Variants in ZNF396 observed in about 807,000 individuals in gnomAD.
ZNF396 encodes zinc finger protein 396, also known as zinc finger and SCAN domain-containing protein 14.
Under a neutral mutation model 20.5 loss-of-function variants are expected in ZNF396, and 14 were observed. The ratio of observed to expected loss-of-function variants is 0.68; its 90% CI spans 0.45 to 1.07. The LOEUF is 1.07. Among genes scored for constraint, ZNF396 ranks in the 50% least tolerant of loss-of-function variants. The probability of loss-of-function intolerance (pLI) is 0.00; values close to 1 mark genes in which losing one functional copy is unlikely to be tolerated. For synonymous variants in ZNF396, 119 were observed against 140.6 expected, an observed-to-expected ratio of 0.85 and a Z score of 1.08; for missense variants, 347 against 390.1, an observed-to-expected ratio of 0.89 and a Z score of 0.93.
chr18:35,370,503 CATTTTTT>C (rs2045159758), intron 3 of ZNF396, among the ~76,000 whole-genome samples: 1 of 68,262 alleles, frequency 1.5e-5, no homozygotes, highest in Non-Finnish European at 3.5e-5. Flanking sequence ...CTCATGGTGG[CATTTTTT>C]TTTTTTTTTT....
intron 1 of ZNF396, among the ~76,000 whole-genome samples, chr18:35,376,532 TGTG>T (rs1024048393): frequency 6.6e-6 from 1 of 152,076 alleles, no homozygotes. Context: ...CAGGGGCCCT[TGTG>T]GTGACCCCTG....
Position 35,368,881 on chromosome 18 carries a change from A to G in ZNF396, c.*334T>C. The G allele has an allele frequency of 9.6e-7, 1 of 1,040,336 alleles. No individual in the cohort carries two copies. Among genetic ancestry groups the G allele is most frequent in the Non-Finnish European group, 1.2e-6 (1 of 866,934 alleles). The allele number at this position is 1,040,336 out of a possible 1,614,324, so 64.4% of individuals were successfully genotyped here. ...TCCTTCTCAATGAGGGAAAAAACAT[A>G]CTTGTCTAAAAAGATATATACTAAT... is the stretch of plus-strand genomic sequence containing the variant. On this transcript the variant is annotated 3_prime_UTR_variant, in exon 4 of 4. Transcript: ENST00000589332.
In ZNF396 at chr18:35,366,881, A is replaced by G. The variant is rs1294803007; in HGVS notation, c.*2334T>C. ...GAGACACCCTTTAAAGATTCATCAT[A>G]TACTTAGACGATATGATTCATACCA... On this transcript the variant is annotated 3_prime_UTR_variant, in exon 4 of 4. Coordinates refer to ENST00000589332, the MANE Select transcript of ZNF396 (RefSeq NM_001322286.2). 1.3e-5 allele frequency: 2 copies of G among 152,244 alleles called. No individual in the cohort carries two copies. Among genetic ancestry groups the G allele is most frequent in the East Asian group, 3.8e-4 (2 of 5,196 alleles). 9.4% of individuals were successfully genotyped at this position (152,244 alleles called of 1,614,324 possible). A position where few individuals can be genotyped will look rare whatever the true frequency, so the allele number is the denominator to read the frequency against.
In ZNF396 at chr18:35,374,105, G is replaced by A; in HGVS notation, c.188C>T (p.Ser63Leu). ...GCTCAGAGCCTCATGGGGCCCAGGT[G>A]AATCCTGGTAGCCAAACTGCCTGAA... ...QQFRQFGYQD[S>L]PGPHEALSRL... The change falls in exon 2 of 4, where the codon TCA becomes TTA. Residue 63 changes from serine (S) to leucine (L), a missense_variant. Transcript: ENST00000589332. This position sits in a 1 kb window ranked among gnomAD's most constrained non-coding sequence, Gnocchi z 4.3. 1 of 1,614,224 alleles carries A rather than the reference G, an allele frequency of 6.2e-7. No homozygotes were observed. Among genetic ancestry groups the A allele is most frequent in the Non-Finnish European group, 8.5e-7 (1 of 1,180,038 alleles).
chr18:35,369,712 A>G, intron 3 of ZNF396, 52 bp from the exon 4 acceptor site: 1 of 1,497,420 alleles, frequency 6.7e-7, no homozygotes, highest in Non-Finnish European at 9.0e-7. Flanking sequence ...GATCCAAATG[A>G]AATATACATG....
intron 1 of ZNF396, among the ~76,000 whole-genome samples, chr18:35,375,167 T>G (rs989331236): frequency 2.0e-5 from 3 of 151,730 alleles, no homozygotes; most frequent in Non-Finnish European, 4.4e-5. Context: ...AGCTGGGCAC[T>G]GTGCTTATGC....
rs1252236098 is a variant in ZNF396 at position 35,367,546 on chromosome 18, G to A, written c.*1669C>T. 6.6e-6 allele frequency: 1 copy of A among 152,154 alleles called. No homozygotes were observed. Among genetic ancestry groups the A allele is most frequent in the African/African-American group, 2.4e-5 (1 of 41,444 alleles). 9.4% of individuals were successfully genotyped at this position (152,154 alleles called of 1,614,324 possible). ...TAGCACCATGGAAAACACAATACAT[G>A]TATTATTGTAGTAACATTACAGAGT... On this transcript the variant is annotated 3_prime_UTR_variant, in exon 4 of 4. Transcript: ENST00000589332.
In ZNF396 at chr18:35,369,023, CT is replaced by C; in HGVS notation, c.*191del. On this transcript the variant is annotated 3_prime_UTR_variant, in exon 4 of 4. Coordinates refer to ENST00000589332, the MANE Select transcript of ZNF396 (RefSeq NM_001322286.2). ...GGAATTGCAAACGTCAGAATTGAGA[CT>C]GCATTGATAAGCAGAAAAGCAAATA... 2 of 1,362,262 alleles carry C rather than the reference CT, an allele frequency of 1.5e-6. No individual in the cohort carries two copies. Among genetic ancestry groups the C allele is most frequent in the South Asian group, 4.1e-5 (2 of 48,696 alleles). The allele number at this position is 1,362,262 out of a possible 1,614,324, so 84.4% of individuals were successfully genotyped here.
At chr18:35,370,868 A>G (rs998219073) in intron 3 of ZNF396, among the ~76,000 whole-genome samples, 2 of 152,214 alleles carry the variant, frequency 1.3e-5, no homozygotes, top group African/African-American at 4.8e-5. Flanking sequence ...ATGAGTTTAT[A>G]AAAGCAAAGT....
chr18:35,373,037 G>A (rs2045203777), intron 3 of ZNF396: 1 of 187,308 alleles, frequency 5.3e-6, no homozygotes, highest in African/African-American at 2.3e-5. Context: ...AAGCACGTAT[G>A]AGAGCAAAGT....
chr18:35,367,614 A>G lies in ZNF396; in HGVS notation c.*1601T>C, dbSNP rs1329954234. 1.3e-5 allele frequency: 2 copies of G among 149,826 alleles called. No individual in the cohort carries two copies. Among genetic ancestry groups the G allele is most frequent in the East Asian group, 1.9e-4 (1 of 5,156 alleles). The allele number at this position is 149,826 out of a possible 1,614,324, so 9.3% of individuals were successfully genotyped here. A position where few individuals can be genotyped will look rare whatever the true frequency, so the allele number is the denominator to read the frequency against. ...GAAAATAGATAATTTTGTTGTTTGT[A>G]TACTGTCAGAATAATTTTAATAATG... On this transcript the variant is annotated 3_prime_UTR_variant, in exon 4 of 4. Transcript: ENST00000589332.
Position 35,373,690 on chromosome 18 carries a change from A to G in ZNF396, c.418-90T>C, listed in dbSNP as rs141813724. 1.2e-4 allele frequency: 191 copies of G among 1,539,796 alleles called. 1 individual carries two copies. In the East Asian group the frequency reaches 1.8e-3, roughly 14 times the overall value. ...GAGAAGAAACTATGCAAAAAGTATC[A>G]TGGACACAGGAAAAGGGAGGGAAAA... is the stretch of plus-strand genomic sequence containing the variant. On this transcript the variant is annotated intron_variant, in intron 2 of 3. Transcript: ENST00000589332.
At chr18:35,371,841 A>G (rs1183141505) in intron 3 of ZNF396, 3 of 152,206 alleles carry the variant, frequency 2.0e-5, no homozygotes, top group Admixed American at 2.0e-4. Context: ...TTACTAGTTT[A>G]AGTGGAAATC....
At chr18:35,373,433 T>C (rs957453571) in intron 3 of ZNF396, 23 bp downstream of exon 3, 36 of 1,609,310 alleles carry the variant, frequency 2.2e-5, no homozygotes, top group Non-Finnish European at 2.9e-5. Context: ...CCTTCCAACA[T>C]GAACTGAATC....
chr18:35,375,065 A>G lies in ZNF396; in HGVS notation c.-72-701T>C, dbSNP rs374943062. Reference sequence around the variant, plus strand: ...AAGAGCTCAAAGAAATAGTCTCATGAGGGAAGCACTTTTGTGTGACTTTTT... The same window carrying G: ...AAGAGCTCAAAGAAATAGTCTCATGGGGGAAGCACTTTTGTGTGACTTTTT... On this transcript the variant is annotated intron_variant, in intron 1 of 3. Coordinates refer to ENST00000589332, the MANE Select transcript of ZNF396 (RefSeq NM_001322286.2). Among the ~76,000 whole-genome samples the G allele has an allele frequency of 5.3e-5, 8 of 152,254 alleles. 1 individual carries two copies.
At position 35,369,220 on chromosome 18, in the gene ZNF396, G is replaced by T. The variant is rs750806462; in HGVS notation, c.1003C>A (p.Pro335Thr). The change falls in exon 4 of 4, where the codon CCA (proline) becomes ACA (threonine). Residue 335 changes from proline to threonine, a missense_variant. By Grantham distance (38) the Pro-to-Thr change is conservative. Transcript: ENST00000589332. ...HRKRHIRKKV[P>T] The stretch of plus-strand genomic sequence containing the variant: ...CTTTGATTCCCTCATGATACTTATG[G>T]GACTTTTTTTCTAATGTGTCTTTTC... The T allele has an allele frequency of 6.4e-7, 1 of 1,569,556 alleles. No homozygotes were observed. Among genetic ancestry groups the T allele is most frequent in the East Asian group, 2.3e-5 (1 of 44,134 alleles).
Position 35,369,390 on chromosome 18 carries a change from G to T in ZNF396, c.833C>A (p.Pro278His), listed in dbSNP as rs374149724. 33 of 1,614,092 alleles carry T rather than the reference G, an allele frequency of 2.0e-5. No individual in the cohort carries two copies. The highest frequency in any genetic ancestry group is 2.6e-5 in the Non-Finnish European group (31 of 1,180,044). The change falls in exon 4 of 4, where the codon CCT becomes CAT. Residue 278 changes from proline (P) to histidine (H), a missense_variant. Transcript: ENST00000589332. ...CTTTGCACACTCGTCACATGCATAA[G>T]GTTTCTTTCCACTGTGGATTCTCTG... ...LHQRIHSGKKPYACDECAKAF... is the reference protein window; with the variant it reads ...LHQRIHSGKKHYACDECAKAF...
Position 35,374,231 on chromosome 18 carries a change from C to T in ZNF396, c.62G>A (p.Gly21Glu). 1 of 1,614,180 alleles carries T rather than the reference C, an allele frequency of 6.2e-7. No individual in the cohort carries two copies. The highest frequency in any genetic ancestry group is 1.3e-5 in the African/African-American group (1 of 75,034). Residue 21 changes from glycine (G) to glutamate (E), a missense_variant, in exon 2 of 4, where the codon GGG becomes GAG. Transcript: ENST00000589332. The surrounding 1 kb of genome is among the most constrained non-coding windows in gnomAD (Gnocchi z 4.3). ...LLTQTSEECNGILTEKMEEEE... is the reference protein window; with the variant it reads ...LLTQTSEECNEILTEKMEEEE... ...CTCTTCCATCTTCTCTGTCAGAATCCCATTACACTCCTCTGAAGTTTGTGT... is the reference window on the plus strand; with the variant it reads ...CTCTTCCATCTTCTCTGTCAGAATCTCATTACACTCCTCTGAAGTTTGTGT...
intron 1 of ZNF396, among the ~76,000 whole-genome samples, chr18:35,375,314 C>T (rs905218232): frequency 6.8e-6 from 1 of 146,134 alleles, no homozygotes; most frequent in African/African-American, 2.5e-5. Flanking sequence ...GAAAAAACAA[C>T]AAAAAAGGCA....
Sources: allele counts gnomAD v4.1 joint callset (sites outside exome capture counted in the v4.1 genomes callset), GRCh38; gene constraint gnomAD v4.1.1; non-coding constraint Gnocchi (gnomAD v3.1); transcripts MANE v1.5; gene names NCBI Gene and HGNC (gene_info 2026-07-23, HGNC 2026-07-21).